NREP: variants seen among roughly 807,000 people sequenced by gnomAD.
The protein encoded by NREP is neuronal regeneration-related protein.
Under a neutral mutation model 8.6 loss-of-function variants are expected in NREP, and 5 were observed. That is an observed-to-expected ratio of 0.58 (90% CI 0.30 to 1.22). The LOEUF is 1.22. Ranked by LOEUF, NREP falls within the 50% of genes most tolerant of loss-of-function variation. The pLI is 0.07. For synonymous variants in NREP, 27 were observed against 28.0 expected, an observed-to-expected ratio of 0.96 and a Z score of 0.11; for missense variants, 86 against 82.5, an observed-to-expected ratio of 1.04 and a Z score of -0.17.
chr5:111,740,961 A>C (rs1206996049), intron 2 of NREP, among the ~76,000 whole-genome samples: 1 of 152,176 alleles, frequency 6.6e-6, no homozygotes, highest in Non-Finnish European at 1.5e-5. Flanking sequence ...ATCTTTTTGC[A>C]GAGGCTAAAT....
chr5:111,787,486 A>G (rs1751639047), intron 2 of NREP, among the ~76,000 whole-genome samples: 1 of 152,186 alleles, frequency 6.6e-6, no homozygotes, highest in South Asian at 2.1e-4. Flanking sequence ...GGGGATAAGT[A>G]CTGGAGAAAG....
intron 2 of NREP, among the ~76,000 whole-genome samples, chr5:111,848,701 C>CG (rs1470646612): frequency 2.7e-5 from 4 of 147,684 alleles, no homozygotes; most frequent in African/African-American, 9.8e-5. Flanking sequence ...GACAATCTGA[C>CG]TAACTGTAAG....
chr5:111,954,552 A>G (rs1043471271), intron 2 of NREP, among the ~76,000 whole-genome samples: 11 of 152,190 alleles, frequency 7.2e-5, no homozygotes, highest in Non-Finnish European at 1.2e-4. Flanking sequence ...TTAACAAATT[A>G]TAACTTCTCT....
At position 111,844,429 on chromosome 5, in the gene NREP, A is replaced by G. The variant is rs557418790; in HGVS notation, c.136-108922T>C. Among the ~76,000 whole-genome samples the G allele has an allele frequency of 4.7e-4, 71 of 151,346 alleles. 1 individual carries two copies. The highest frequency in any genetic ancestry group is 9.1e-4 in the Non-Finnish European group (62 of 67,844). ...ATAATTATTTTTACAGTTAATGAAT[A>G]TTTATATTTATGCACAATTTAAAGC... On this transcript the variant is annotated intron_variant, in intron 2 of 3. Transcript: ENST00000395634.
At chr5:111,938,381 C>T (rs972759164) in intron 2 of NREP, among the ~76,000 whole-genome samples, 1 of 152,124 alleles carries the variant, frequency 6.6e-6, no homozygotes, top group Non-Finnish European at 1.5e-5. Flanking sequence ...TTATTGTCAA[C>T]AATTGCATCC....
intron 2 of NREP, among the ~76,000 whole-genome samples, chr5:111,807,661 GA>G (rs201708641): frequency 6.7e-6 from 1 of 150,222 alleles, no homozygotes; most frequent in Non-Finnish European, 1.5e-5. Context: ...AAGAGACTTA[GA>G]AAAAAAAACC....
At chr5:111,885,835 A>T (rs1046470883) in intron 2 of NREP, among the ~76,000 whole-genome samples, 2 of 152,242 alleles carry the variant, frequency 1.3e-5, no homozygotes, top group African/African-American at 4.8e-5. Flanking sequence ...GATGAATTAA[A>T]GACTTAAACT....
intron 2 of NREP, among the ~76,000 whole-genome samples, chr5:111,905,159 G>A (rs1754749040): frequency 6.6e-6 from 1 of 152,000 alleles, no homozygotes; most frequent in South Asian, 2.1e-4. Context: ...CAAAATTGCA[G>A]AGGGCAAAAT....
chr5:111,751,096 T>C (rs1013008377), intron 2 of NREP, among the ~76,000 whole-genome samples: 4 of 152,310 alleles, frequency 2.6e-5, no homozygotes, highest in East Asian at 1.9e-4. Flanking sequence ...TTCAACTTAA[T>C]AGATGTTAAT....
At chr5:111,853,152 G>A (rs1391688419) in intron 2 of NREP, among the ~76,000 whole-genome samples, 2 of 152,036 alleles carry the variant, frequency 1.3e-5, no homozygotes, top group Admixed American at 6.6e-5. Flanking sequence ...AAAAATAAAT[G>A]TATGATTCCA....
intron 2 of NREP, among the ~76,000 whole-genome samples, chr5:111,844,125 AAT>A (rs1350010399): frequency 6.6e-6 from 1 of 152,222 alleles, no homozygotes; most frequent in East Asian, 1.9e-4. Context: ...TTACATATAA[AAT>A]ATATGTTTAA....
chr5:111,857,455 T>C (rs1034476563), intron 2 of NREP, among the ~76,000 whole-genome samples: 3 of 152,294 alleles, frequency 2.0e-5, no homozygotes, highest in South Asian at 2.1e-4. Flanking sequence ...ACTTATCACG[T>C]AGTGAAAAAA....
chr5:111,779,603 G>A (rs1445605322), intron 2 of NREP, among the ~76,000 whole-genome samples: 3 of 152,308 alleles, frequency 2.0e-5, no homozygotes, highest in Admixed American at 6.5e-5. Flanking sequence ...CAGTAGTGAG[G>A]ACATGACTGT....
Position 111,804,970 on chromosome 5 carries a change from T to C in NREP, c.136-69463A>G, listed in dbSNP as rs565471088. Reference sequence around the variant, plus strand: ...GAGCCGAGATGGCGCCACTGCACTCTAGCCTGGGCGACAGAGCGAGACTCC... The same window carrying C: ...GAGCCGAGATGGCGCCACTGCACTCCAGCCTGGGCGACAGAGCGAGACTCC... On this transcript the variant is annotated intron_variant, in intron 2 of 3. Transcript: ENST00000395634. Among the ~76,000 whole-genome samples the C allele has an allele frequency of 1.4e-3, 207 of 151,624 alleles. 2 individuals carry two copies. The highest frequency in any genetic ancestry group is 0.011 in the Admixed American group (164 of 15,226).
chr5:111,776,990 T>G (rs940637383), intron 2 of NREP, among the ~76,000 whole-genome samples: 8 of 132,620 alleles, frequency 6.0e-5, no homozygotes, highest in African/African-American at 1.4e-4. Context: ...AGAAAAAGGA[T>G]GAGGAGGAGG....
At chr5:111,870,929 T>A (rs894220890) in intron 2 of NREP, among the ~76,000 whole-genome samples, 2 of 152,062 alleles carry the variant, frequency 1.3e-5, no homozygotes, top group African/African-American at 4.8e-5. Context: ...ACTAGTACAG[T>A]GTAAATTTTT....
intron 2 of NREP, among the ~76,000 whole-genome samples, chr5:111,766,629 C>T (rs1265633190): frequency 6.6e-6 from 1 of 152,166 alleles, no homozygotes; most frequent in Non-Finnish European, 1.5e-5. Context: ...TCCTCTGCTC[C>T]CTTTGTCAAC....
chr5:111,854,249 C>T (rs1269575688), intron 2 of NREP, among the ~76,000 whole-genome samples: 1 of 152,132 alleles, frequency 6.6e-6, no homozygotes, highest in African/African-American at 2.4e-5. Context: ...TGGCCACAAG[C>T]TTTTTAATTT....
At chr5:111,785,288 T>G (rs1288776191) in intron 2 of NREP, among the ~76,000 whole-genome samples, 1 of 151,520 alleles carries the variant, frequency 6.6e-6, no homozygotes, top group African/African-American at 2.4e-5. Flanking sequence ...ATGGCTATTC[T>G]TTTTTTTTGA....
Sources: gnomAD v4.1 joint callset for allele counts (sites outside exome capture counted in the v4.1 genomes callset) on GRCh38, gnomAD v4.1.1 for gene constraint, MANE v1.5 for transcripts, NCBI Gene and HGNC (gene_info 2026-07-23, HGNC 2026-07-21) for gene names.